The following ABCB5 variants were observed in gnomAD, a reference collection of about 807,000 sequenced individuals.
ABCB5 encodes the protein ATP-binding cassette sub-family B member 5.
ABCB5 carries 155 observed loss-of-function variants against 144.2 expected under a neutral mutation model. The observed-to-expected ratio is 1.08, with a 90% confidence interval of 0.94 to 1.23. The LOEUF (loss-of-function observed/expected upper bound fraction) is 1.23. Among genes scored for constraint, ABCB5 ranks in the 50% most tolerant of loss-of-function variants. ABCB5 has a pLI of 0.00. For synonymous variants in ABCB5, 610 were observed against 528.6 expected (o/e 1.15, Z -2.11); for missense variants, 1,830 against 1,520.8 (o/e 1.20, Z -3.38).
At position 20,628,826 on chromosome 7, in the gene ABCB5, C is replaced by A. The variant is rs1415586570; in HGVS notation, c.247C>A (p.Gln83Lys). The change falls in exon 4 of 28, where the codon CAA becomes AAA. Residue 83 changes from glutamine (Q) to lysine (K), a missense_variant. By Grantham distance (53) the Gln-to-Lys change is moderately conservative. Transcript: ENST00000404938. ...TAACCTTATTAGTGGATGTCTAGTCCAAACTAACACAAGTGAGTATACGAT... is the reference window on the plus strand; with the variant it reads ...TAACCTTATTAGTGGATGTCTAGTCAAAACTAACACAAGTGAGTATACGAT... ...SDNLISGCLV[Q>K]TNTTNYQNCT... The A allele has an allele frequency of 1.2e-6, 2 of 1,613,382 alleles. No homozygotes were observed. Among genetic ancestry groups the A allele is most frequent in the Middle Eastern group, 1.7e-4 (1 of 5,998 alleles).
intron 23 of ABCB5, among the ~76,000 whole-genome samples, chr7:20,730,322 C>T (rs1782166902): frequency 6.6e-6 from 1 of 152,198 alleles, no homozygotes; most frequent in Non-Finnish European, 1.5e-5. Context: ...CCAGCCTGGA[C>T]AACCTGTGAA....
In ABCB5 at chr7:20,659,396, T is replaced by G. The variant is rs1784924153; in HGVS notation, c.1707+720T>G. The G allele has an allele frequency of 5.3e-6, 6 of 1,132,714 alleles. No individual in the cohort carries two copies. The South Asian group carries it at 1.3e-4, about 25-fold the overall frequency. 70.2% of individuals were successfully genotyped at this position (1,132,714 alleles called of 1,614,324 possible). ...ATTTGCTTGGAAGTGAGTTAAGCGT[T>G]TTTTTTTCTCTAAGAAAATCGCAGG... On this transcript the variant is annotated intron_variant, in intron 14 of 27. Transcript: ENST00000404938.
chr7:20,725,065 G>C (rs1468494582), intron 21 of ABCB5, among the ~76,000 whole-genome samples: 1 of 152,064 alleles, frequency 6.6e-6, no homozygotes, highest in Non-Finnish European at 1.5e-5. Flanking sequence ...ATGAGCTTTT[G>C]CTGTATATGT....
At chr7:20,695,762 A>C (rs1202380895) in intron 16 of ABCB5, among the ~76,000 whole-genome samples, 1 of 152,020 alleles carries the variant, frequency 6.6e-6, no homozygotes, top group Non-Finnish European at 1.5e-5. Flanking sequence ...AAAAGATTTG[A>C]AAAGGCATTT....
At chr7:20,665,601 A>G (rs1215722930) in intron 14 of ABCB5, among the ~76,000 whole-genome samples, 1 of 152,044 alleles carries the variant, frequency 6.6e-6, no homozygotes, top group Non-Finnish European at 1.5e-5. Flanking sequence ...GTCTCCAAGG[A>G]GCCTCTCAAG....
At chr7:20,681,033 TCTC>T (rs1401807596) in intron 14 of ABCB5, among the ~76,000 whole-genome samples, 3 of 55,776 alleles carry the variant, frequency 5.4e-5, no homozygotes, top group Non-Finnish European at 1.0e-4. Context: ...TTTCTTTCTT[TCTC>T]TTTCTTTCTT....
chr7:20,667,457 TTTAA>T lies in ABCB5; in HGVS notation c.1707+8784_1707+8787del, dbSNP rs1785237391. ...CTCAGACCTTTTCTAGTTGCAACCT[TTTAA>T]TTGTTTGACTTTATATTCTGTCCTC... On this transcript the variant is annotated intron_variant, in intron 14 of 27. Coordinates refer to ENST00000404938, the MANE Select transcript of ABCB5 (RefSeq NM_001163941.2). The T allele has an allele frequency of 3.0e-6, 3 of 985,186 alleles. No individual in the cohort carries two copies. In the African/African-American group the frequency reaches 5.2e-5, roughly 17 times the overall value. 61.0% of individuals were successfully genotyped at this position (985,186 alleles called of 1,614,324 possible).
At chr7:20,679,499 GAA>G (rs1275490208) in intron 14 of ABCB5, among the ~76,000 whole-genome samples, 67 of 134,100 alleles carry the variant, frequency 5.0e-4, no homozygotes, top group Admixed American at 1.9e-3. Context: ...GAGAGAGAGA[GAA>G]AGAGAGTGAA....
intron 15 of ABCB5, among the ~76,000 whole-genome samples, chr7:20,685,407 C>T (rs1366044761): frequency 6.6e-6 from 1 of 152,182 alleles, no homozygotes; most frequent in South Asian, 2.1e-4. Context: ...TTACTAAGAT[C>T]TCTCCTTGTT....
intron 16 of ABCB5, among the ~76,000 whole-genome samples, chr7:20,689,904 T>C (rs182141605): frequency 6.6e-6 from 1 of 152,140 alleles, no homozygotes; most frequent in Non-Finnish European, 1.5e-5. Context: ...ACAGCAAGCA[T>C]GAGGGCCTGG....
chr7:20,719,575 G>T (rs999252680), intron 20 of ABCB5, among the ~76,000 whole-genome samples: 1 of 152,122 alleles, frequency 6.6e-6, no homozygotes, highest in African/African-American at 2.4e-5. Context: ...CTGGCCTTCC[G>T]TCAGTGTGGG....
At chr7:20,622,239 A>C (rs1783818514) in intron 1 of ABCB5, among the ~76,000 whole-genome samples, 1 of 152,174 alleles carries the variant, frequency 6.6e-6, no homozygotes, top group African/African-American at 2.4e-5. Flanking sequence ...TAATTTCTAT[A>C]AAATGCAAAT....
intron 1 of ABCB5, among the ~76,000 whole-genome samples, chr7:20,618,902 G>C (rs1164101006): frequency 1.4e-5 from 2 of 143,546 alleles, no homozygotes; most frequent in Non-Finnish European, 3.0e-5. Flanking sequence ...AGCCACCCAA[G>C]TAGCTGAGAC....
chr7:20,663,577 C>G (rs76827596), intron 14 of ABCB5, among the ~76,000 whole-genome samples: 49,924 of 151,844 alleles, frequency 0.33, 8,844 homozygotes, highest in East Asian at 0.69. Flanking sequence ...TTACTAGGGG[C>G]TTGGGGGATG....
intron 20 of ABCB5, among the ~76,000 whole-genome samples, chr7:20,715,744 G>T (rs1366108264): frequency 1.4e-5 from 2 of 142,080 alleles, no homozygotes; most frequent in African/African-American, 2.7e-5. Flanking sequence ...TTTTTTTTGA[G>T]ACAGTCTCTC....
intron 2 of ABCB5, among the ~76,000 whole-genome samples, chr7:20,624,730 T>A (rs1378582334): frequency 6.6e-6 from 1 of 152,174 alleles, no homozygotes; most frequent in Non-Finnish European, 1.5e-5. Context: ...TTTGCGCTAA[T>A]GAAAGTACTG....
intron 1 of ABCB5, among the ~76,000 whole-genome samples, chr7:20,616,180 T>C (rs1034165735): frequency 2.4e-4 from 37 of 152,176 alleles, no homozygotes; most frequent in African/African-American, 8.7e-4. Flanking sequence ...GGATTGCAGG[T>C]GCCCAGCACC....
intron 14 of ABCB5, among the ~76,000 whole-genome samples, chr7:20,665,724 A>AAGAT (rs35101575): frequency 0.1 from 13,951 of 134,062 alleles, 997 homozygotes; most frequent in African/African-American, 0.17. Context: ...TAGAGATGGA[A>AAGAT]AGATAGATAG....
chr7:20,739,238 A>C (rs763533414), intron 24 of ABCB5, 99 bp downstream of exon 24: 253 of 1,287,296 alleles, frequency 2.0e-4, no homozygotes, highest in Non-Finnish European at 2.5e-4. Context: ...AGGGCTGAAA[A>C]ACTAACCATT....
Sources: gnomAD v4.1 joint callset for allele counts (sites outside exome capture counted in the v4.1 genomes callset) on GRCh38, gnomAD v4.1.1 for gene constraint, MANE v1.5 for transcripts, NCBI Gene and HGNC (gene_info 2026-07-23, HGNC 2026-07-21) for gene names.